DGLUCY: variants seen among roughly 807,000 people sequenced by gnomAD.
DGLUCY encodes D-glutamate cyclase, mitochondrial.
In DGLUCY, 58 loss-of-function variants were observed where a neutral mutation model predicts 58.5. That is an observed-to-expected ratio of 0.99 (90% confidence interval 0.80 to 1.23). The LOEUF (loss-of-function observed/expected upper bound fraction) is 1.23. Ranked by LOEUF, DGLUCY falls within the 50% of genes most tolerant of loss-of-function variation. The pLI, the probability that DGLUCY is intolerant of heterozygous loss-of-function variation, is 0.00. For synonymous variants in DGLUCY, 325 were observed against 314.1 expected (o/e 1.03, Z -0.37); for missense variants, 779 against 784.7 (o/e 0.99, Z 0.09).
At chr14:91,110,576 G>A (rs992783333), upstream of DGLUCY, among the ~76,000 whole-genome samples, 14 of 151,614 alleles carry the variant, frequency 9.2e-5, no homozygotes, top group African/African-American at 1.9e-4. Context: ...GACTACAGGC[G>A]CCCGCCACCA....
chr14:91,134,595 G>T lies in DGLUCY; in HGVS notation c.-82+20312G>T, dbSNP rs1038414918. Among the ~76,000 whole-genome samples, 7 of 152,030 alleles carry T rather than the reference G, an allele frequency of 4.6e-5. No individual in the cohort carries two copies. The South Asian group carries it at 1.2e-3, about 27-fold the overall frequency. On this transcript the variant is annotated intron_variant, in intron 1 of 13. Coordinates refer to ENST00000256324, the MANE Select transcript of DGLUCY (RefSeq NM_001102368.3). Reference sequence around the variant, plus strand: ...TGGGACTACAGGCCTGTGCCATCACGTTCGGCTAATTTTTGTATTTTTAGT... The same window carrying T: ...TGGGACTACAGGCCTGTGCCATCACTTTCGGCTAATTTTTGTATTTTTAGT...
chr14:91,199,860 G>A lies in DGLUCY; in HGVS notation c.1399G>A (p.Asp467Asn), dbSNP rs775081682. 19 of 1,614,134 alleles carry A rather than the reference G, an allele frequency of 1.2e-5. 1 individual carries two copies. The Middle Eastern group carries it at 1.5e-3, about 126-fold the overall frequency. ...CAAGCACTTGGTTGACCCCATTGAC[G>A]ATCTTTTTCTTGCTGCGAAGAAGAT... is the stretch of plus-strand genomic sequence containing the variant. ...NIKHLVDPID[D>N]LFLAAKKIPG... is the part of the protein sequence containing the mutation. The change falls in exon 11 of 14, where the codon GAT becomes AAT. Residue 467 changes from aspartate (D) to asparagine (N), a missense_variant. Asp to Asn is a conservative substitution (Grantham distance 23). Transcript: ENST00000256324.
chr14:91,123,252 A>ATT (rs2140152293), intron 1 of DGLUCY, among the ~76,000 whole-genome samples: 1 of 152,322 alleles, frequency 6.6e-6, no homozygotes, highest in South Asian at 2.1e-4. Flanking sequence ...ACAACAGAAC[A>ATT]TTTATAAGAG....
chr14:91,100,675 C>G (rs1213350809), intron 1 of DGLUCY, among the ~76,000 whole-genome samples: 1 of 152,218 alleles, frequency 6.6e-6, no homozygotes, highest in African/African-American at 2.4e-5. Context: ...AGACCAGCAG[C>G]ACCAGCCTCC....
chr14:91,198,117 A>C (rs1045973733), intron 10 of DGLUCY, among the ~76,000 whole-genome samples: 1 of 152,194 alleles, frequency 6.6e-6, no homozygotes, highest in Non-Finnish European at 1.5e-5. Context: ...ATCTTGGCTC[A>C]CTGCAGCCTC....
rs933530 is a variant in DGLUCY at position 91,137,631 on chromosome 14, A to G, written c.-81-20008A>G. On this transcript the variant is annotated intron_variant, in intron 1 of 13. Transcript: ENST00000256324. ...AGGATGGTCTTGATCTCCTGACCTC[A>G]TGATCCGCCCGCCTTAGCCTCCCAA... 1.7e-3 allele frequency among the ~76,000 whole-genome samples: 257 copies of G among 150,566 alleles called. 2 individuals are homozygous for G. The highest frequency in any genetic ancestry group is 4.4e-3 in the African/African-American group (180 of 40,882).
At chr14:91,108,526 T>TGTGTGTGAGAGAGAGAGAGAGAGAGAGA (rs1265665234) in intron 1 of DGLUCY, among the ~76,000 whole-genome samples, 2 of 52,178 alleles carry the variant, frequency 3.8e-5, no homozygotes, top group Non-Finnish European at 7.5e-5. Flanking sequence ...TGTGTGTGTG[T>TGTGTGTGAGAGAGAGAGAGAGAGAGAGA]GAGAGAGAGA....
intron 11 of DGLUCY, among the ~76,000 whole-genome samples, chr14:91,203,648 G>C (rs568261387): frequency 1.0e-4 from 15 of 150,380 alleles, no homozygotes; most frequent in Middle Eastern, 3.5e-3. Flanking sequence ...AAGGGTACAT[G>C]CTTCAGGGCT....
At chr14:91,216,073 G>A (rs907536963) in intron 13 of DGLUCY, 13 of 233,792 alleles carry the variant, frequency 5.6e-5, no homozygotes, top group Non-Finnish European at 7.7e-5. Context: ...AATAAGCCAA[G>A]TAGAAGGAGA....
At chr14:91,180,293 T>C (rs951810673) in intron 7 of DGLUCY, among the ~76,000 whole-genome samples, 4 of 151,906 alleles carry the variant, frequency 2.6e-5, no homozygotes, top group African/African-American at 9.7e-5. Flanking sequence ...AAAGTCGGGC[T>C]GGGCGTGGTG....
chr14:91,191,499 G>A (rs896017721), intron 9 of DGLUCY, among the ~76,000 whole-genome samples: 9 of 152,162 alleles, frequency 5.9e-5, no homozygotes, highest in African/African-American at 2.2e-4. Context: ...AGACACATAG[G>A]TCCTGGTGGA....
Position 91,224,853 on chromosome 14 carries a change from G to T in DGLUCY, c.*20G>T. On this transcript the variant is annotated 3_prime_UTR_variant, in exon 14 of 14. Transcript: ENST00000256324. ...GTGTAACCGTCCATGTTCCGTGTGAGCAGAGTCCCTACCAACGGGCAGGTC... is the reference window on the plus strand; with the variant it reads ...GTGTAACCGTCCATGTTCCGTGTGATCAGAGTCCCTACCAACGGGCAGGTC... 6.3e-7 allele frequency: 1 copy of T among 1,581,590 alleles called. No homozygotes were observed. The highest frequency in any genetic ancestry group is 8.6e-7 in the Non-Finnish European group (1 of 1,156,924).
At chr14:91,217,320 G>T (rs954144377) in intron 13 of DGLUCY, among the ~76,000 whole-genome samples, 4 of 152,096 alleles carry the variant, frequency 2.6e-5, no homozygotes, top group Non-Finnish European at 5.9e-5. Flanking sequence ...AAGGTCTGGG[G>T]AGATGGGAAA....
At position 91,204,746 on chromosome 14, in the gene DGLUCY, C is replaced by T; in HGVS notation, c.1485C>T (p.Val495=). 1 of 1,614,076 alleles carries T rather than the reference C, an allele frequency of 6.2e-7. No individual in the cohort carries two copies. The highest frequency in any genetic ancestry group is 8.5e-7 in the Non-Finnish European group (1 of 1,179,998). The change falls in exon 12 of 14, where the codon GTC becomes GTT. Residue 495 remains valine, a synonymous_variant. Coordinates refer to ENST00000256324, the MANE Select transcript of DGLUCY (RefSeq NM_001102368.3). ...GCAACGAGCTTGGGATGGGTAAAGT[C>T]AAGGAGGCTGTGAGGAGGCACATAC... is the stretch of plus-strand genomic sequence containing the variant. ...DGGNELGMGK[V]KEAVRRHIRH...
intron 9 of DGLUCY, 31 bp downstream of exon 9, chr14:91,189,201 C>G (rs774028790): frequency 3.7e-6 from 6 of 1,610,874 alleles, no homozygotes; most frequent in Non-Finnish European, 5.1e-6. Flanking sequence ...GGTCCATTTC[C>G]CCAAACGGGC....
At chr14:91,194,375 C>T (rs1360024484) in intron 9 of DGLUCY, among the ~76,000 whole-genome samples, 2 of 152,208 alleles carry the variant, frequency 1.3e-5, no homozygotes, top group East Asian at 3.9e-4. Context: ...AGGGCTGGGT[C>T]ATTCCCCTTT....
intron 1 of DGLUCY, among the ~76,000 whole-genome samples, chr14:91,128,487 C>G (rs987301353): frequency 1.3e-5 from 2 of 151,930 alleles, no homozygotes; most frequent in African/African-American, 2.4e-5. Context: ...GAGCGAGACT[C>G]TGTCTCAAAC....
At chr14:91,118,679 A>G (rs750650418) in intron 1 of DGLUCY, among the ~76,000 whole-genome samples, 1 of 152,156 alleles carries the variant, frequency 6.6e-6, no homozygotes, top group Non-Finnish European at 1.5e-5. Flanking sequence ...GTGGGGGATA[A>G]TGAGGCATGT....
At chr14:91,174,368 C>T (rs2048743649) in intron 6 of DGLUCY, among the ~76,000 whole-genome samples, 2 of 152,160 alleles carry the variant, frequency 1.3e-5, no homozygotes, top group Admixed American at 1.3e-4. Flanking sequence ...TGCAGCGTTG[C>T]AATCTCAGCT....
Sources: allele counts gnomAD v4.1 joint callset (sites outside exome capture counted in the v4.1 genomes callset), GRCh38; gene constraint gnomAD v4.1.1; transcripts MANE v1.5; gene names NCBI Gene and HGNC (gene_info 2026-07-23, HGNC 2026-07-21).